RANBP9: variants seen among roughly 807,000 people sequenced by gnomAD.
The protein encoded by RANBP9 is ran-binding protein 9.
In RANBP9, 15 loss-of-function variants were observed where a neutral mutation model predicts 84.3. The ratio of observed to expected loss-of-function variants is 0.18; its 90% CI spans 0.12 to 0.27. The LOEUF (loss-of-function observed/expected upper bound fraction) is 0.27, where lower values mean the gene tolerates loss of function less well. RANBP9 is among the 10% of genes least tolerant of loss of function. The pLI, the probability that RANBP9 is intolerant of heterozygous loss-of-function variation, is 1.00. For missense variants in RANBP9, 809 were observed against 912.8 expected (o/e 0.89, Z 1.46); for synonymous variants, 392 against 349.6 (o/e 1.12, Z -1.35).
At chr6:13,628,819 G>A (rs1010242851) in intron 12 of RANBP9, among the ~76,000 whole-genome samples, 2 of 152,228 alleles carry the variant, frequency 1.3e-5, no homozygotes, top group Non-Finnish European at 2.9e-5. Context: ...TGTTAAACCC[G>A]CTAAAGTAGC....
intron 8 of RANBP9, 83 bp downstream of exon 8, chr6:13,641,116 A>C (rs2127765051): frequency 1.1e-6 from 1 of 910,308 alleles, no homozygotes; most frequent in East Asian, 3.1e-5. Flanking sequence ...AAAATTACAA[A>C]AGCACGAAAA....
intron 1 of RANBP9, among the ~76,000 whole-genome samples, chr6:13,703,175 C>G (rs958024432): frequency 6.6e-6 from 1 of 152,184 alleles, no homozygotes; most frequent in Non-Finnish European, 1.5e-5. Flanking sequence ...ACTGCACCCT[C>G]CCGTGCTCAG....
chr6:13,703,167 T>C (rs550771327), intron 1 of RANBP9, among the ~76,000 whole-genome samples: 2 of 152,344 alleles, frequency 1.3e-5, no homozygotes, highest in East Asian at 3.9e-4. Flanking sequence ...TGTGAGCCAC[T>C]GCACCCTCCC....
At chr6:13,690,940 T>C (rs10948859) in intron 2 of RANBP9, among the ~76,000 whole-genome samples, 1 of 151,806 alleles carries the variant, frequency 6.6e-6, no homozygotes, top group Admixed American at 6.6e-5. Flanking sequence ...CCGAGGTGGG[T>C]GGATCATTTT....
chr6:13,694,808 C>G (rs917312855), intron 2 of RANBP9, among the ~76,000 whole-genome samples: 2 of 152,122 alleles, frequency 1.3e-5, no homozygotes, highest in Non-Finnish European at 2.9e-5. Flanking sequence ...CCTTTAGTCA[C>G]TGAGTAGCCC....
intron 1 of RANBP9, among the ~76,000 whole-genome samples, chr6:13,710,566 T>G (rs1758249464): frequency 6.6e-6 from 1 of 152,146 alleles, no homozygotes. Context: ...GAGAACAATG[T>G]AACCCAACTC....
At chr6:13,674,978 A>C (rs1052940658) in intron 2 of RANBP9, among the ~76,000 whole-genome samples, 1 of 152,194 alleles carries the variant, frequency 6.6e-6, no homozygotes, top group Non-Finnish European at 1.5e-5. Flanking sequence ...GCCACACTTA[A>C]TGTGTCTGAG....
chr6:13,654,270 A>G (rs1250658686), intron 4 of RANBP9, among the ~76,000 whole-genome samples: 1 of 152,222 alleles, frequency 6.6e-6, no homozygotes, highest in African/African-American at 2.4e-5. Context: ...AATTTTACAC[A>G]GAAAGCAATT....
chr6:13,658,911 C>T lies in RANBP9; in HGVS notation c.684-79G>A, dbSNP rs1020369799. On this transcript the variant is annotated intron_variant, in intron 2 of 13. Transcript: ENST00000011619. Reference sequence around the variant, plus strand: ...GTATAAATTACCAAACAGTCTCAAACAATATCAGAACCAAGCCCAAGTTGG... The same window carrying T: ...GTATAAATTACCAAACAGTCTCAAATAATATCAGAACCAAGCCCAAGTTGG... 3.6e-5 allele frequency: 50 copies of T among 1,384,606 alleles called. No homozygotes were observed. In the East Asian group the frequency reaches 4.6e-4, roughly 13 times the overall value. 85.8% of individuals were successfully genotyped at this position (1,384,606 alleles called of 1,614,324 possible).
At chr6:13,641,509 T>A (rs929936859) in intron 7 of RANBP9, among the ~76,000 whole-genome samples, 1 of 146,026 alleles carries the variant, frequency 6.8e-6, no homozygotes, top group Non-Finnish European at 1.5e-5. Context: ...ACAAGTACGG[T>A]CACAAATTTT....
chr6:13,625,781 G>T lies in RANBP9; in HGVS notation c.1948-17C>A, dbSNP rs374733943. The T allele has an allele frequency of 2.0e-6, 3 of 1,525,768 alleles. No individual in the cohort carries two copies. The highest frequency in any genetic ancestry group is 1.8e-6 in the Non-Finnish European group (2 of 1,100,480). The allele number at this position is 1,525,768 out of a possible 1,614,324, so 94.5% of individuals were successfully genotyped here. On this transcript the variant is annotated splice_polypyrimidine_tract_variant and intron_variant, in intron 12 of 13. Transcript: ENST00000011619. ...GAATGCATCCTGTTGAAAACACATC[G>T]ATTTGGTTTTAATTCAAATAGTTCA...
At chr6:13,626,966 AGTCT>A (rs1200036751) in intron 12 of RANBP9, among the ~76,000 whole-genome samples, 1 of 152,224 alleles carries the variant, frequency 6.6e-6, no homozygotes, top group African/African-American at 2.4e-5. Flanking sequence ...CTGTGAAGTC[AGTCT>A]GAGACCACAA....
intron 2 of RANBP9, among the ~76,000 whole-genome samples, chr6:13,691,690 G>C (rs957403979): frequency 6.6e-6 from 1 of 151,988 alleles, no homozygotes; most frequent in East Asian, 1.9e-4. Flanking sequence ...TTTTGAGACT[G>C]AGTCTCGCAC....
At chr6:13,697,668 C>T (rs1005572689) in intron 1 of RANBP9, among the ~76,000 whole-genome samples, 6 of 152,102 alleles carry the variant, frequency 3.9e-5, no homozygotes, top group Non-Finnish European at 5.9e-5. Flanking sequence ...GCCCAAGACA[C>T]AAATTACCTT....
At chr6:13,692,653 A>G (rs894387954) in intron 2 of RANBP9, among the ~76,000 whole-genome samples, 1 of 151,804 alleles carries the variant, frequency 6.6e-6, no homozygotes, top group Non-Finnish European at 1.5e-5. Context: ...GGAGTTTGAC[A>G]CCAGCCTGGG....
At chr6:13,700,900 T>C (rs1757951773) in intron 1 of RANBP9, among the ~76,000 whole-genome samples, 1 of 152,216 alleles carries the variant, frequency 6.6e-6, no homozygotes, top group African/African-American at 2.4e-5. Flanking sequence ...TCCAGCTTTA[T>C]AGTTTGCATA....
At chr6:13,706,287 T>C (rs1425869565) in intron 1 of RANBP9, among the ~76,000 whole-genome samples, 5 of 152,136 alleles carry the variant, frequency 3.3e-5, no homozygotes, top group Non-Finnish European at 7.4e-5. Context: ...GAGCTTGCAG[T>C]GAGCCGAGAT....
intron 2 of RANBP9, among the ~76,000 whole-genome samples, chr6:13,668,000 G>A (rs1453564547): frequency 6.6e-6 from 1 of 151,982 alleles, no homozygotes; most frequent in African/African-American, 2.4e-5. Context: ...ATAAAGATTA[G>A]GGGAGAAATA....
chr6:13,662,387 C>T (rs904010486), intron 2 of RANBP9, among the ~76,000 whole-genome samples: 78 of 152,100 alleles, frequency 5.1e-4, no homozygotes, highest in Non-Finnish European at 3.2e-4. Context: ...GGGAGAAATA[C>T]TCTTGCTTTG....
Sources: allele counts gnomAD v4.1 joint callset (sites outside exome capture counted in the v4.1 genomes callset), GRCh38; gene constraint gnomAD v4.1.1; transcripts MANE v1.5; gene names NCBI Gene and HGNC (gene_info 2026-07-23, HGNC 2026-07-21).